MED12L: variants seen among roughly 807,000 people sequenced by gnomAD.
The protein encoded by MED12L is mediator of RNA polymerase II transcription subunit 12-like protein.
Under a neutral mutation model 281.3 loss-of-function variants are expected in MED12L, and 60 were observed. The ratio of observed to expected loss-of-function variants is 0.21; its 90% CI spans 0.17 to 0.26. MED12L has a LOEUF of 0.26. Among genes scored for constraint, MED12L ranks in the 10% least tolerant of loss-of-function variants. The pLI is 1.00. For missense variants in MED12L, 2,146 were observed against 2,680.9 expected (o/e 0.80, Z 4.41); for synonymous variants, 974 against 987.2 (o/e 0.99, Z 0.25).
At chr3:151,300,292 C>T (rs906302590) in intron 16 of MED12L, 31 of 613,634 alleles carry the variant, frequency 5.1e-5, no homozygotes, top group South Asian at 9.4e-5. Flanking sequence ...ATTGCCTCCA[C>T]GATTCAGAAA....
rs879180905 is a variant in MED12L, at chr3:151,127,936, A to T, written c.508A>T (p.Ile170Leu). 3 of 1,614,156 alleles carry T rather than the reference A, an allele frequency of 1.9e-6. No individual in the cohort carries two copies. Among genetic ancestry groups the T allele is most frequent in the Non-Finnish European group, 2.5e-6 (3 of 1,179,986 alleles). The change falls in exon 5 of 45, where the codon ATA (isoleucine) becomes TTA (leucine). Residue 170 changes from isoleucine to leucine, a missense_variant. By Grantham distance (5) the Ile-to-Leu change is conservative. This residue lies in a region of MED12L where 722 missense variants were observed against 861.2 expected (regional missense o/e 0.84). Transcript: ENST00000687756. Reference sequence around the variant, plus strand: ...GATGACTTGTGCCTATTATTCTGCTATATCTGAAGCTAAAATTAAGAAACG... The same window carrying T: ...GATGACTTGTGCCTATTATTCTGCTTTATCTGAAGCTAAAATTAAGAAACG... The part of the protein sequence containing the change: ...IKMTCAYYSA[I>L]SEAKIKKRQA...
intron 13 of MED12L, 101 bp downstream of exon 13, chr3:151,188,581 G>T: frequency 2.4e-6 from 3 of 1,235,190 alleles, no homozygotes; most frequent in Non-Finnish European, 2.2e-6. Context: ...AATATTCTTG[G>T]CACTGAATAT....
At chr3:151,262,430 T>C (rs1739083133) in intron 16 of MED12L, among the ~76,000 whole-genome samples, 1 of 152,288 alleles carries the variant, frequency 6.6e-6, no homozygotes, top group African/African-American at 2.4e-5. Flanking sequence ...AATGTAAACA[T>C]GGTACCTATG....
At chr3:151,396,414 G>A (rs1560122805) in intron 39 of MED12L, among the ~76,000 whole-genome samples, 4 of 152,134 alleles carry the variant, frequency 2.6e-5, no homozygotes, top group Admixed American at 1.3e-4. Context: ...GATCACTTGA[G>A]GTCAGGAGTT....
intron 16 of MED12L, among the ~76,000 whole-genome samples, chr3:151,271,100 G>A (rs990386144): frequency 3.3e-5 from 5 of 151,696 alleles, no homozygotes; most frequent in Admixed American, 6.6e-5. Flanking sequence ...CATAGATTGG[G>A]GAGTAAATAT....
At chr3:151,212,233 C>T (rs1255340823) in intron 16 of MED12L, 1 of 152,050 alleles carries the variant, frequency 6.6e-6, no homozygotes, top group African/African-American at 2.4e-5. Context: ...GTCTTCTAGC[C>T]AGTTAATAGC....
intron 16 of MED12L, among the ~76,000 whole-genome samples, chr3:151,210,057 G>C (rs1464347574): frequency 6.6e-6 from 1 of 152,160 alleles, no homozygotes; most frequent in Non-Finnish European, 1.5e-5. Flanking sequence ...AACTCATAGG[G>C]TGCTTTAGGC....
At chr3:151,142,019 A>G (rs989905104) in intron 5 of MED12L, among the ~76,000 whole-genome samples, 2 of 152,242 alleles carry the variant, frequency 1.3e-5, no homozygotes, top group Admixed American at 6.5e-5. Context: ...CTATTGGTAT[A>G]TACGTGCATA....
rs1011092433 is a variant in MED12L, at chr3:151,430,312, G to C, written c.6422G>C (p.Gly2141Ala). ...TCGCCATTACAGTTTCCCAGGCAAG[G>C]CTTGCAGCAGACCCAGCAGCAGCAG... Reference protein sequence around the residue: ...QPQQPLFPRQGLQQTQQQQQT... With the variant: ...QPQQPLFPRQALQQTQQQQQT... The change falls in exon 44 of 45, where the codon GGC becomes GCC. Residue 2141 changes from glycine (G) to alanine (A), a missense_variant. Gly to Ala is a moderately conservative substitution (Grantham distance 60). Coordinates refer to ENST00000687756, the MANE Select transcript of MED12L (RefSeq NM_001393769.1). The C allele has an allele frequency of 9.9e-6, 16 of 1,614,100 alleles. No homozygotes were observed. Among genetic ancestry groups the C allele is most frequent in the Admixed American group, 1.7e-5 (1 of 60,014 alleles).
At chr3:151,120,769 T>C (rs369842011) in intron 3 of MED12L, among the ~76,000 whole-genome samples, 1 of 152,254 alleles carries the variant, frequency 6.6e-6, no homozygotes, top group African/African-American at 2.4e-5. Context: ...ATTGTATTTA[T>C]GGATTGATTT....
chr3:151,297,948 A>G (rs1745329009), intron 16 of MED12L, among the ~76,000 whole-genome samples: 1 of 152,134 alleles, frequency 6.6e-6, no homozygotes, highest in South Asian at 2.1e-4. Context: ...AGCTTAAACA[A>G]ATTAGTGGTT....
intron 14 of MED12L, 127 bp downstream of exon 14, chr3:151,191,058 T>C (rs1256923332): frequency 1.4e-6 from 1 of 729,548 alleles, no homozygotes; most frequent in African/African-American, 1.8e-5. Flanking sequence ...CCAGTGGTTG[T>C]TTATCTCTAC....
chr3:151,212,051 A>G (rs1051552576), intron 16 of MED12L: 3 of 152,224 alleles, frequency 2.0e-5, no homozygotes, highest in South Asian at 2.1e-4. Flanking sequence ...AAGAAACTAC[A>G]TATGTCTTGA....
intron 4 of MED12L, among the ~76,000 whole-genome samples, chr3:151,123,490 G>A (rs1326305021): frequency 6.6e-6 from 1 of 152,252 alleles, no homozygotes; most frequent in East Asian, 1.9e-4. Flanking sequence ...TTTTTTTATA[G>A]GGGAGGGGAT....
intron 16 of MED12L, among the ~76,000 whole-genome samples, chr3:151,196,610 C>T (rs1724691573): frequency 6.6e-6 from 1 of 152,144 alleles, no homozygotes; most frequent in African/African-American, 2.4e-5. Context: ...CCTAGACTAC[C>T]AGCAAACACA....
At chr3:151,348,354 A>G (rs1465748070) in intron 16 of MED12L, among the ~76,000 whole-genome samples, 1 of 70,104 alleles carries the variant, frequency 1.4e-5, no homozygotes, top group Non-Finnish European at 3.7e-5. Context: ...AAAAAAAAAA[A>G]AAAAAAAAAG....
chr3:151,254,060 T>G (rs1411844895), intron 16 of MED12L, among the ~76,000 whole-genome samples: 1 of 151,912 alleles, frequency 6.6e-6, no homozygotes, highest in Non-Finnish European at 1.5e-5. Flanking sequence ...TTGTGTACTT[T>G]AAGAAACAAT....
chr3:151,394,416 T>C (rs1321041834), intron 38 of MED12L, among the ~76,000 whole-genome samples: 1 of 152,250 alleles, frequency 6.6e-6, no homozygotes, highest in African/African-American at 2.4e-5. Flanking sequence ...TTTCAATTTA[T>C]GAACTGAAGA....
intron 44 of MED12L, among the ~76,000 whole-genome samples, chr3:151,432,186 A>AT (rs1166739032): frequency 1.3e-5 from 2 of 152,130 alleles, no homozygotes; most frequent in Non-Finnish European, 2.9e-5. Context: ...AGCCCATGTC[A>AT]TTTTTTGGTA....
Sources: gnomAD v4.1 joint callset for allele counts (sites outside exome capture counted in the v4.1 genomes callset) on GRCh38, gnomAD v4.1.1 for gene constraint, gnomAD v4.1.1 regional missense constraint, MANE v1.5 for transcripts, NCBI Gene and HGNC (gene_info 2026-07-23, HGNC 2026-07-21) for gene names.